The following GRID1 variants were observed in gnomAD, a reference collection of about 807,000 sequenced individuals.
GRID1 encodes the protein glutamate ionotropic receptor delta type subunit 1, also known as glutamate receptor ionotropic, delta-1.
GRID1 carries 28 observed loss-of-function variants against 98.0 expected under a neutral mutation model. The observed-to-expected ratio is 0.29, with a 90% CI of 0.21 to 0.39. GRID1 has a LOEUF of 0.39. Ranked by LOEUF, GRID1 falls within the 10% of genes least tolerant of loss-of-function variation. GRID1 has a pLI of 1.00. For synonymous variants in GRID1, 553 were observed against 538.5 expected, an observed-to-expected ratio of 1.03 and a Z score of -0.37; for missense variants, 1,111 against 1,340.5, an observed-to-expected ratio of 0.83 and a Z score of 2.67.
intron 12 of GRID1, among the ~76,000 whole-genome samples, chr10:85,650,730 A>G (rs1168612121): frequency 6.6e-6 from 1 of 152,208 alleles, no homozygotes; most frequent in Admixed American, 6.5e-5. Context: ...GGGTGAGTAG[A>G]GGCAGCGAGA....
chr10:86,024,216 C>T (rs935992465), intron 4 of GRID1, among the ~76,000 whole-genome samples: 5 of 152,176 alleles, frequency 3.3e-5, no homozygotes, highest in Admixed American at 2.6e-4. Context: ...TTAGCATCCG[C>T]AAAATAACTT....
intron 3 of GRID1, among the ~76,000 whole-genome samples, chr10:86,139,417 C>G (rs1844979925): frequency 6.6e-6 from 1 of 152,226 alleles, no homozygotes; most frequent in Non-Finnish European, 1.5e-5. Context: ...CTGCTCCCAA[C>G]ATGAGGCTCC....
chr10:85,617,920 C>G (rs914812197), intron 14 of GRID1, among the ~76,000 whole-genome samples: 2 of 152,164 alleles, frequency 1.3e-5, no homozygotes, highest in Non-Finnish European at 2.9e-5. Flanking sequence ...CCCATGTTGG[C>G]CCTGGCCCTG....
At chr10:85,631,568 T>G (rs1455202229) in intron 13 of GRID1, among the ~76,000 whole-genome samples, 4 of 152,146 alleles carry the variant, frequency 2.6e-5, no homozygotes, top group Admixed American at 2.0e-4. Flanking sequence ...AAAAGAAAAG[T>G]CCTAAGTTGG....
intron 2 of GRID1, among the ~76,000 whole-genome samples, chr10:86,217,892 G>A (rs898497551): frequency 4.6e-5 from 7 of 152,040 alleles, no homozygotes; most frequent in Admixed American, 2.0e-4. Flanking sequence ...ACACCACAGA[G>A]CCTGCCTCAG....
At chr10:86,313,024 A>AG (rs375379188) in intron 2 of GRID1, among the ~76,000 whole-genome samples, 7 of 152,344 alleles carry the variant, frequency 4.6e-5, no homozygotes, top group African/African-American at 1.7e-4. Context: ...CCAAGCCTTT[A>AG]GCCACAGCTC....
chr10:86,030,813 G>C (rs1843176213), intron 4 of GRID1, among the ~76,000 whole-genome samples: 2 of 152,214 alleles, frequency 1.3e-5, no homozygotes, highest in South Asian at 4.1e-4. Flanking sequence ...AGCCTGTAAA[G>C]TCAGGCTGCA....
At chr10:85,620,800 A>G (rs1239339304) in intron 13 of GRID1, among the ~76,000 whole-genome samples, 1 of 152,224 alleles carries the variant, frequency 6.6e-6, no homozygotes, top group East Asian at 1.9e-4. Flanking sequence ...TACATGTGTA[A>G]TAAGCACACA....
chr10:85,650,415 G>C (rs936344102), intron 12 of GRID1, among the ~76,000 whole-genome samples: 1 of 152,052 alleles, frequency 6.6e-6, no homozygotes, highest in Non-Finnish European at 1.5e-5. Flanking sequence ...GCCTATCACA[G>C]GTGTGGTCTC....
rs150591660 is a variant in GRID1 at position 86,054,896 on chromosome 10, T to C, written c.726+83923A>G. Among the ~76,000 whole-genome samples the C allele has an allele frequency of 2.0e-5, 3 of 152,310 alleles. No homozygotes were observed. In the East Asian group the frequency reaches 5.8e-4, roughly 29 times the overall value. On this transcript the variant is annotated intron_variant, in intron 4 of 15. Transcript: ENST00000327946. Reference sequence around the variant, plus strand: ...CTTTGGGCAGATATTGTGACTTTCTTTGGCCAATAGAATGAGGCGGAAGTG... The same window carrying C: ...CTTTGGGCAGATATTGTGACTTTCTCTGGCCAATAGAATGAGGCGGAAGTG...
chr10:85,608,178 G>A (rs187244010), intron 15 of GRID1, among the ~76,000 whole-genome samples: 107 of 152,276 alleles, frequency 7.0e-4, no homozygotes, highest in African/African-American at 2.4e-3. Context: ...CCATACCAGT[G>A]AGACTTCATT....
At chr10:85,948,192 A>C (rs374005667) in intron 4 of GRID1, among the ~76,000 whole-genome samples, 1 of 152,266 alleles carries the variant, frequency 6.6e-6, no homozygotes, top group African/African-American at 2.4e-5. Context: ...TAGATGAGAT[A>C]ATCAACATCA....
chr10:86,327,325 C>T (rs2132099906), intron 2 of GRID1, among the ~76,000 whole-genome samples: 1 of 152,286 alleles, frequency 6.6e-6, no homozygotes, highest in African/African-American at 2.4e-5. Context: ...TATTAGTTAT[C>T]TCTACCCAGC....
intron 12 of GRID1, among the ~76,000 whole-genome samples, chr10:85,671,751 G>T (rs564999322): frequency 6.6e-6 from 1 of 152,324 alleles, no homozygotes; most frequent in Admixed American, 6.5e-5. Flanking sequence ...CAGCCAAGTT[G>T]TGAATGCAAA....
At chr10:85,743,256 C>T (rs1231829009) in intron 8 of GRID1, among the ~76,000 whole-genome samples, 1 of 152,060 alleles carries the variant, frequency 6.6e-6, no homozygotes, top group African/African-American at 2.4e-5. Context: ...ATCACCTCTG[C>T]CAAAGCACTA....
intron 8 of GRID1, among the ~76,000 whole-genome samples, chr10:85,853,448 CGT>C (rs369169870): frequency 1.3e-5 from 2 of 151,926 alleles, no homozygotes; most frequent in African/African-American, 4.8e-5. Context: ...GAAGTGTGTA[CGT>C]GTGTGTGTGT....
chr10:85,881,836 C>CG (rs762658124), intron 5 of GRID1, among the ~76,000 whole-genome samples: 22 of 152,050 alleles, frequency 1.4e-4, no homozygotes, highest in Non-Finnish European at 3.1e-4. Flanking sequence ...AGTGAACAGG[C>CG]AACCTACAGA....
At chr10:85,888,230 C>T (rs1841145517) in intron 5 of GRID1, among the ~76,000 whole-genome samples, 1 of 152,218 alleles carries the variant, frequency 6.6e-6, no homozygotes. Context: ...ACTCTGGCTG[C>T]CCAGCATTCA....
At chr10:85,858,546 T>G (rs773167312) in intron 6 of GRID1, among the ~76,000 whole-genome samples, 4 of 152,232 alleles carry the variant, frequency 2.6e-5, no homozygotes, top group Non-Finnish European at 5.9e-5. Context: ...CTGCATGTGT[T>G]GATAAGTCTT....
Sources: allele counts gnomAD v4.1 joint callset (sites outside exome capture counted in the v4.1 genomes callset), GRCh38; gene constraint gnomAD v4.1.1; transcripts MANE v1.5; gene names NCBI Gene and HGNC (gene_info 2026-07-23, HGNC 2026-07-21).